The following MGAT4C variants were observed in gnomAD, a reference collection of about 807,000 sequenced individuals.
The protein encoded by MGAT4C is MGAT4 family member C, also known as alpha-1,3-mannosyl-glycoprotein 4-beta-N-acetylglucosaminyltransferase C.
In MGAT4C, 19 loss-of-function variants were observed where a neutral mutation model predicts 40.1. The ratio of observed to expected loss-of-function variants is 0.47; its 90% CI spans 0.33 to 0.70. The LOEUF (loss-of-function observed/expected upper bound fraction) is 0.70. Ranked by LOEUF, MGAT4C falls within the 30% of genes least tolerant of loss-of-function variation. The probability of loss-of-function intolerance (pLI) is 0.02; values close to 1 mark genes in which losing one functional copy is unlikely to be tolerated. For missense variants in MGAT4C, 491 were observed against 563.2 expected (o/e 0.87, Z 1.30); for synonymous variants, 181 against 187.1 (o/e 0.97, Z 0.27).
At chr12:86,117,836 A>G (rs1878691589) in intron 1 of MGAT4C, among the ~76,000 whole-genome samples, 1 of 152,184 alleles carries the variant, frequency 6.6e-6, no homozygotes, top group Non-Finnish European at 1.5e-5. Context: ...TAATCACCAT[A>G]ATGAACTTCA....
At chr12:86,639,383 T>G (rs979140422) in intron 2 of MGAT4C, among the ~76,000 whole-genome samples, 3 of 151,678 alleles carry the variant, frequency 2.0e-5, no homozygotes, top group African/African-American at 4.8e-5. Context: ...GTATAAGTAT[T>G]TTCTATTATT....
chr12:86,015,023 G>A (rs1888934691), intron 2 of MGAT4C, among the ~76,000 whole-genome samples: 1 of 144,546 alleles, frequency 6.9e-6, no homozygotes, highest in South Asian at 2.2e-4. Flanking sequence ...ATGTTGTCCA[G>A]GCTGGTCTTG....
At chr12:86,107,201 G>A (rs1876354947) in intron 1 of MGAT4C, among the ~76,000 whole-genome samples, 1 of 152,186 alleles carries the variant, frequency 6.6e-6, no homozygotes, top group African/African-American at 2.4e-5. Context: ...CAAATTAGAA[G>A]TTTTAATTGT....
At chr12:86,357,390 G>A (rs55881261) in intron 3 of MGAT4C, among the ~76,000 whole-genome samples, 12,902 of 152,196 alleles carry the variant, frequency 0.085, 758 homozygotes, top group Middle Eastern at 0.23. Flanking sequence ...CAGAAAAGTG[G>A]AAAATTCTAA....
At chr12:86,216,983 T>C (rs530993877) in intron 1 of MGAT4C, among the ~76,000 whole-genome samples, 1 of 152,308 alleles carries the variant, frequency 6.6e-6, no homozygotes, top group South Asian at 2.1e-4. Flanking sequence ...ATAAGTAAGT[T>C]AAATAACTAT....
rs192379254 is a variant in MGAT4C at position 86,825,446 on chromosome 12, T to C, written c.-262+13220A>G. Reference sequence around the variant, plus strand: ...TTAAACATAAAGAAGCAGAGTTTACTGTATCAATAAGAAACAAGTATATAT... The same window carrying C: ...TTAAACATAAAGAAGCAGAGTTTACCGTATCAATAAGAAACAAGTATATAT... On this transcript the variant is annotated intron_variant, in intron 1 of 7. Transcript: ENST00000548651. Among the ~76,000 whole-genome samples, 13 of 151,448 alleles carry C rather than the reference T, an allele frequency of 8.6e-5. No homozygotes were observed. The East Asian group carries it at 2.3e-3, about 27-fold the overall frequency.
chr12:86,171,656 G>C (rs1406384837), intron 1 of MGAT4C, among the ~76,000 whole-genome samples: 8 of 152,098 alleles, frequency 5.3e-5, no homozygotes. Context: ...TTTCCTTATA[G>C]GCTGATGTTC....
At chr12:86,315,729 T>G (rs1954201585) in intron 4 of MGAT4C, among the ~76,000 whole-genome samples, 1 of 150,780 alleles carries the variant, frequency 6.6e-6, no homozygotes, top group Admixed American at 6.6e-5. Flanking sequence ...AAAAGAAAAA[T>G]AAAGAATCCT....
intron 2 of MGAT4C, among the ~76,000 whole-genome samples, chr12:86,510,011 G>A (rs1958544388): frequency 6.6e-6 from 1 of 152,066 alleles, no homozygotes; most frequent in African/African-American, 2.4e-5. Context: ...CTGCAAACAG[G>A]GACAATTTGA....
intron 4 of MGAT4C, among the ~76,000 whole-genome samples, chr12:86,273,891 G>A (rs1032952810): frequency 2.0e-5 from 3 of 152,130 alleles, no homozygotes; most frequent in African/African-American, 4.8e-5. Context: ...AATGGTACTT[G>A]CACCTTGTAT....
chr12:86,347,086 G>C (rs1348615816), intron 3 of MGAT4C, among the ~76,000 whole-genome samples: 2 of 152,092 alleles, frequency 1.3e-5, no homozygotes, highest in Non-Finnish European at 2.9e-5. Context: ...GACTTGGACT[G>C]ATCCACCACT....
At chr12:86,504,603 A>G (rs929081223) in intron 2 of MGAT4C, among the ~76,000 whole-genome samples, 4 of 152,168 alleles carry the variant, frequency 2.6e-5, no homozygotes, top group African/African-American at 9.7e-5. Context: ...TCAGAATCCA[A>G]TCTCTTAATC....
Position 86,461,492 on chromosome 12 carries a change from T to G in MGAT4C, c.-228-26227A>C, listed in dbSNP as rs563945177. ...GATCTCCTGACCTCATGATCCACCC[T>G]CCTCGGCCTCCCAAAGTGCTGGGAT... On this transcript the variant is annotated intron_variant, in intron 2 of 7. Transcript: ENST00000548651. 6.4e-3 allele frequency among the ~76,000 whole-genome samples: 978 copies of G among 152,016 alleles called. 11 individuals carry two copies. Among genetic ancestry groups the G allele is most frequent in the African/African-American group, 0.023 (934 of 41,454 alleles).
intron 1 of MGAT4C, among the ~76,000 whole-genome samples, chr12:86,173,160 G>A (rs1032398514): frequency 4.6e-5 from 7 of 152,034 alleles, no homozygotes; most frequent in African/African-American, 1.7e-4. Flanking sequence ...ACCTAACTGG[G>A]ATTCATATAT....
intron 2 of MGAT4C, among the ~76,000 whole-genome samples, chr12:86,464,953 T>A (rs1389398393): frequency 6.6e-6 from 1 of 152,138 alleles, no homozygotes; most frequent in Non-Finnish European, 1.5e-5. Flanking sequence ...TTTGTTGGGT[T>A]GTTCTAGAAA....
rs71076185 is a variant in MGAT4C, at chr12:86,316,079, C to CA, written c.-57+17985dup. Among the ~76,000 whole-genome samples the CA allele has an allele frequency of 1.7e-3, 58 of 34,058 alleles. 1 individual carries two copies. Among genetic ancestry groups the CA allele is most frequent in the Middle Eastern group, 0.029 (1 of 34 alleles). The allele number at this position is 34,058 out of a possible 152,430, so 22.3% of individuals were successfully genotyped here. On this transcript the variant is annotated intron_variant, in intron 4 of 7. Transcript: ENST00000548651. ...TTTTCAAAAGAATAAATACAAGCAG[C>CA]AAAAAAAAAAAAAAAAAAAAAAAAA...
chr12:86,712,750 G>A (rs1408570358), intron 2 of MGAT4C, among the ~76,000 whole-genome samples: 1 of 152,038 alleles, frequency 6.6e-6, no homozygotes, highest in Non-Finnish European at 1.5e-5. Flanking sequence ...CAGGTACCAG[G>A]AAGGAAAAGC....
chr12:86,670,356 A>C (rs1964223800), intron 2 of MGAT4C, among the ~76,000 whole-genome samples: 1 of 152,172 alleles, frequency 6.6e-6, no homozygotes, highest in South Asian at 2.1e-4. Context: ...CATCCTAAGA[A>C]GAAATCAATC....
At chr12:86,766,458 A>G (rs1045500667) in intron 1 of MGAT4C, among the ~76,000 whole-genome samples, 1 of 151,726 alleles carries the variant, frequency 6.6e-6, no homozygotes, top group Non-Finnish European at 1.5e-5. Flanking sequence ...AGAAAGATCA[A>G]CGAGACAGAA....
Sources: gnomAD v4.1 joint callset for allele counts (sites outside exome capture counted in the v4.1 genomes callset) on GRCh38, gnomAD v4.1.1 for gene constraint, MANE v1.5 for transcripts, NCBI Gene and HGNC (gene_info 2026-07-23, HGNC 2026-07-21) for gene names.